Variants in RETREG3 observed in about 807,000 individuals in gnomAD.
RETREG3 encodes reticulophagy regulator family member 3, also known as reticulophagy regulator 3.
In RETREG3, 23 loss-of-function variants were observed where a neutral mutation model predicts 50.2. That is an observed-to-expected ratio of 0.46 (90% CI 0.33 to 0.65). The LOEUF (loss-of-function observed/expected upper bound fraction) is 0.65. Ranked by LOEUF, RETREG3 falls within the 30% of genes least tolerant of loss-of-function variation. RETREG3 has a pLI of 0.02. For missense variants in RETREG3, 546 were observed against 598.0 expected, an observed-to-expected ratio of 0.91 and a Z score of 0.91; for synonymous variants, 240 against 234.4, an observed-to-expected ratio of 1.02 and a Z score of -0.22.
Position 42,586,066 on chromosome 17 carries a change from C to T in RETREG3, c.576G>A (p.Leu192=), listed in dbSNP as rs776546523. ...VLGRYVPGLL[L]SYLMLVTVMM... ...TGTCATACTTACGCATCAAGTAGGA[C>T]AGCAGAAGCCCAGGGACGTAGCGGC... is the stretch of plus-strand genomic sequence containing the variant. Residue 192 remains leucine (L), a synonymous_variant, in exon 5 of 9, where the codon CTG becomes CTA. Coordinates refer to ENST00000309428, the MANE Select transcript of RETREG3 (RefSeq NM_178126.4). The T allele has an allele frequency of 1.9e-6, 3 of 1,614,090 alleles. No homozygotes were observed. Among genetic ancestry groups the T allele is most frequent in the South Asian group, 1.1e-5 (1 of 91,080 alleles).
intron 1 of RETREG3, among the ~76,000 whole-genome samples, chr17:42,602,316 C>CAA (rs71157650): frequency 3.9e-4 from 56 of 142,782 alleles, no homozygotes; most frequent in East Asian, 1.0e-3. Context: ...GACTCCGTTT[C>CAA]AAAAAAAAAA....
chr17:42,595,157 C>T (rs1292873506), intron 1 of RETREG3, among the ~76,000 whole-genome samples: 5 of 150,784 alleles, frequency 3.3e-5, no homozygotes, highest in African/African-American at 4.9e-5. Context: ...TTAGTAGAGA[C>T]GGGGTTTCAC....
At chr17:42,595,666 CTTTTTTTTTTT>C (rs770492649) in intron 1 of RETREG3, among the ~76,000 whole-genome samples, 1 of 134,462 alleles carries the variant, frequency 7.4e-6, no homozygotes, top group South Asian at 2.3e-4. Flanking sequence ...TTCTTTCTTT[CTTTTTTTTTTT>C]TTTTTTTGAG....
Position 42,582,186 on chromosome 17 carries a change from A to G in RETREG3, c.1028T>C (p.Leu343Pro). 1 of 1,613,962 alleles carries G rather than the reference A, an allele frequency of 6.2e-7. No individual in the cohort carries two copies. The highest frequency in any genetic ancestry group is 8.5e-7 in the Non-Finnish European group (1 of 1,180,016). ...FPSINMDPAGLDDEDDTSIGM... is the reference protein window; with the variant it reads ...FPSINMDPAGPDDEDDTSIGM... ...AATGCTAGTGTCGTCCTCATCATCC[A>G]GGCCAGCAGGATCCATATTAATGGA... Residue 343 changes from leucine (L) to proline (P), a missense_variant, in exon 9 of 9, where the codon CTG (leucine) becomes CCG (proline). Transcript: ENST00000309428.
intron 2 of RETREG3, among the ~76,000 whole-genome samples, chr17:42,589,598 TA>T (rs1173815898): frequency 6.6e-6 from 1 of 152,052 alleles, no homozygotes; most frequent in Non-Finnish European, 1.5e-5. Flanking sequence ...CATGCCTGGG[TA>T]ATTTTTTTAT....
rs2093134449 is a variant in RETREG3, at chr17:42,592,115, C to A, written c.287G>T (p.Gly96Val). ...SLRLVFLLAF[G>V]LMIIVCIDQW... ...ATCAATACACACAATGATCATCAAG[C>A]CAAATGCAAGTAAAAACACAAGACG... Residue 96 changes from glycine to valine, a missense_variant, in exon 2 of 9, where the codon GGC becomes GTC. Physicochemically the swap from Gly to Val is moderately radical, Grantham distance 109. Transcript: ENST00000309428. The A allele has an allele frequency of 1.2e-6, 2 of 1,613,814 alleles. No homozygotes were observed. The highest frequency in any genetic ancestry group is 1.7e-6 in the Non-Finnish European group (2 of 1,179,936).
chr17:42,599,344 T>C (rs1504154), intron 1 of RETREG3, among the ~76,000 whole-genome samples: 77,188 of 151,974 alleles, frequency 0.51, 19,821 homozygotes, highest in South Asian at 0.64. Context: ...CTTTAGGTGG[T>C]AGGCTGGAAA....
chr17:42,604,338 C>A (rs79830296), intron 1 of RETREG3, among the ~76,000 whole-genome samples: 78 of 152,154 alleles, frequency 5.1e-4, no homozygotes, highest in African/African-American at 1.8e-3. Context: ...AAACAATATT[C>A]CTAATTCATA....
intron 1 of RETREG3, among the ~76,000 whole-genome samples, chr17:42,602,873 G>A (rs1036306755): frequency 2.0e-5 from 3 of 152,046 alleles, no homozygotes; most frequent in African/African-American, 7.2e-5. Context: ...GAGCCCAGAG[G>A]TTGAGGTTGC....
chr17:42,604,642 C>CA (rs2093164402), intron 1 of RETREG3, among the ~76,000 whole-genome samples: 1 of 149,558 alleles, frequency 6.7e-6, no homozygotes, highest in Non-Finnish European at 1.5e-5. Flanking sequence ...TGCACTCCAG[C>CA]CTGGGCAACA....
chr17:42,598,919 T>C (rs73983734), intron 1 of RETREG3: 2 of 150,942 alleles, frequency 1.3e-5, no homozygotes, highest in East Asian at 1.9e-4. Flanking sequence ...AAAACAGTCT[T>C]TTTTTTTTAA....
In RETREG3 at chr17:42,581,365, CA is replaced by C. The variant is rs35248732; in HGVS notation, c.*447del. On this transcript the variant is annotated 3_prime_UTR_variant, in exon 9 of 9. Transcript: ENST00000309428. Reference sequence around the variant, plus strand: ...CCTGGGCAACAGAGCGAAACTGTCTCAAAAAAAAAGATGATGACAATGTAAC... The same window carrying C: ...CCTGGGCAACAGAGCGAAACTGTCTCAAAAAAAAGATGATGACAATGTAAC... 1.5e-4 allele frequency: 23 copies of C among 155,666 alleles called. No homozygotes were observed. Among genetic ancestry groups the C allele is most frequent in the East Asian group, 7.4e-4 (4 of 5,370 alleles). The allele number at this position is 155,666 out of a possible 1,614,324, so 9.6% of individuals were successfully genotyped here.
intron 3 of RETREG3, 177 bp from the exon 4 acceptor site, chr17:42,587,068 G>C: frequency 1.2e-6 from 1 of 804,034 alleles, no homozygotes; most frequent in Admixed American, 3.0e-5. Flanking sequence ...TCTGAATTTA[G>C]GTACAAGGAG....
chr17:42,609,305 A>T lies in RETREG3; in HGVS notation c.20T>A (p.Val7Asp). 5 of 1,599,974 alleles carry T rather than the reference A, an allele frequency of 3.1e-6. No homozygotes were observed. The highest frequency in any genetic ancestry group is 4.2e-6 in the Non-Finnish European group (5 of 1,179,286). ...CGAAGCCGGGCCTGGGGTCGTGGGA[A>T]CCCCTTCGGCCTCAGCCATCTCCCC... The part of the protein sequence containing the change: MAEAEG[V>D]PTTPGPASGS... The change falls in exon 1 of 9, where the codon GTT (valine) becomes GAT (aspartate). Residue 7 changes from valine (V) to aspartate (D), a missense_variant. Coordinates refer to ENST00000309428, the MANE Select transcript of RETREG3 (RefSeq NM_178126.4).
chr17:42,602,315 T>G (rs2093160217), intron 1 of RETREG3, among the ~76,000 whole-genome samples: 1 of 98,286 alleles, frequency 1.0e-5, no homozygotes. Context: ...AGACTCCGTT[T>G]CAAAAAAAAA....
chr17:42,601,936 A>G (rs1253803165), intron 1 of RETREG3, among the ~76,000 whole-genome samples: 1 of 152,088 alleles, frequency 6.6e-6, no homozygotes, highest in East Asian at 1.9e-4. Context: ...CGCCCAGCCA[A>G]AAGTTTCCAA....
Position 42,609,237 on chromosome 17 carries a change from C to T in RETREG3, c.88G>A (p.Glu30Lys). 1 of 1,608,254 alleles carries T rather than the reference C, an allele frequency of 6.2e-7. No individual in the cohort carries two copies. The highest frequency in any genetic ancestry group is 8.5e-7 in the Non-Finnish European group (1 of 1,179,822). ...RGRRDVSGSW[E>K]RDQQVEAAQR... is the part of the protein sequence containing the mutation. ...GCCGCCTCAACCTGCTGGTCCCGCTCCCAGGAGCCTGACACATCTCGGCGG... is the reference window on the plus strand; with the variant it reads ...GCCGCCTCAACCTGCTGGTCCCGCTTCCAGGAGCCTGACACATCTCGGCGG... Residue 30 changes from glutamate to lysine, a missense_variant, in exon 1 of 9, where the codon GAG (glutamate) becomes AAG (lysine). Transcript: ENST00000309428.
intron 1 of RETREG3, among the ~76,000 whole-genome samples, chr17:42,602,266 G>A (rs1186834068): frequency 1.3e-5 from 2 of 151,352 alleles, no homozygotes; most frequent in Admixed American, 1.3e-4. Context: ...GCAGTGAGCT[G>A]AGATCATGCC....
intron 2 of RETREG3, among the ~76,000 whole-genome samples, chr17:42,589,616 T>C (rs1597735194): frequency 6.6e-6 from 1 of 152,124 alleles, no homozygotes; most frequent in East Asian, 1.9e-4. Flanking sequence ...TTATTTTTTG[T>C]AGAGACAAGG....
Sources: gnomAD v4.1 joint callset for allele counts (sites outside exome capture counted in the v4.1 genomes callset) on GRCh38, gnomAD v4.1.1 for gene constraint, MANE v1.5 for transcripts, NCBI Gene and HGNC (gene_info 2026-07-23, HGNC 2026-07-21) for gene names.